DLGAP1: variants seen among roughly 807,000 people sequenced by gnomAD.
DLGAP1 encodes DLG associated protein 1.
In DLGAP1, 11 loss-of-function variants were observed where a neutral mutation model predicts 90.8. That is an observed-to-expected ratio of 0.12 (90% CI 0.08 to 0.20). The LOEUF (loss-of-function observed/expected upper bound fraction) is 0.20. Among genes scored for constraint, DLGAP1 ranks in the 10% least tolerant of loss-of-function variants. The pLI, the probability that DLGAP1 is intolerant of heterozygous loss-of-function variation, is 1.00. For synonymous variants in DLGAP1, 558 were observed against 540.7 expected (o/e 1.03, Z -0.44); for missense variants, 1,050 against 1,333.8 (o/e 0.79, Z 3.31).
chr18:3,521,775 C>T lies in DLGAP1; in HGVS notation c.2479+12419G>A, dbSNP rs186595719. On this transcript the variant is annotated intron_variant, in intron 10 of 12. Coordinates refer to ENST00000315677, the MANE Select transcript of DLGAP1 (RefSeq NM_004746.4). The stretch of plus-strand genomic sequence containing the variant: ...GCCTAGACTGTGCCCATGTAACTAA[C>T]TCCTATTATCTCCACTGAAGGAATA... 2.4e-4 allele frequency among the ~76,000 whole-genome samples: 36 copies of T among 152,318 alleles called. 1 individual carries two copies. The highest frequency in any genetic ancestry group is 2.2e-3 in the Admixed American group (33 of 15,296).
At chr18:3,686,847 T>G (rs766072018) in intron 7 of DLGAP1, among the ~76,000 whole-genome samples, 8 of 152,190 alleles carry the variant, frequency 5.3e-5, no homozygotes, top group Non-Finnish European at 7.4e-5. Context: ...TCCTGGAACC[T>G]ATAAATATTA....
intron 1 of DLGAP1, among the ~76,000 whole-genome samples, chr18:4,392,394 T>C (rs1178453144): frequency 1.3e-5 from 2 of 152,168 alleles, no homozygotes; most frequent in African/African-American, 2.4e-5. Flanking sequence ...AATTTTCCCA[T>C]GAAAGGTTAA....
intron 10 of DLGAP1, among the ~76,000 whole-genome samples, chr18:3,520,415 G>T (rs1194982201): frequency 6.6e-6 from 1 of 152,060 alleles, no homozygotes; most frequent in Non-Finnish European, 1.5e-5. Flanking sequence ...CCTGTTATTC[G>T]CTGAATTGCA....
chr18:4,365,365 T>C (rs578108415), intron 1 of DLGAP1, among the ~76,000 whole-genome samples: 1 of 152,188 alleles, frequency 6.6e-6, no homozygotes, highest in African/African-American at 2.4e-5. Context: ...GCAAATTTAT[T>C]GTGACAGAAA....
intron 1 of DLGAP1, among the ~76,000 whole-genome samples, chr18:4,209,149 T>C (rs1004591804): frequency 1.3e-5 from 2 of 152,134 alleles, no homozygotes; most frequent in African/African-American, 4.8e-5. Flanking sequence ...CTTCTACATC[T>C]ACCAGCAACA....
chr18:3,828,639 C>CAAAAAAAAAA (rs71368713), intron 4 of DLGAP1, among the ~76,000 whole-genome samples: 1 of 21,372 alleles, frequency 4.7e-5, no homozygotes, highest in African/African-American at 1.9e-4. Flanking sequence ...GACTCTATCT[C>CAAAAAAAAAA]AAAAAAAAAA....
intron 4 of DLGAP1, among the ~76,000 whole-genome samples, chr18:3,833,901 T>C (rs1288633943): frequency 6.6e-6 from 1 of 152,180 alleles, no homozygotes; most frequent in Non-Finnish European, 1.5e-5. Flanking sequence ...TGATTAGCAA[T>C]GAAAAACTCA....
intron 1 of DLGAP1, among the ~76,000 whole-genome samples, chr18:4,207,007 A>C (rs999687694): frequency 6.6e-6 from 1 of 152,212 alleles, no homozygotes; most frequent in African/African-American, 2.4e-5. Flanking sequence ...GGTAAGTCTC[A>C]TAAGAAGCTG....
At chr18:3,900,193 T>C (rs1310335348) in intron 3 of DLGAP1, among the ~76,000 whole-genome samples, 1 of 152,110 alleles carries the variant, frequency 6.6e-6, no homozygotes, top group African/African-American at 2.4e-5. Context: ...TATAAAATAA[T>C]TGAACAGGGG....
chr18:3,741,099 A>G (rs1876279280), intron 6 of DLGAP1, among the ~76,000 whole-genome samples: 3 of 116,142 alleles, frequency 2.6e-5, no homozygotes, highest in Non-Finnish European at 5.2e-5. Flanking sequence ...CACCACCACC[A>G]CCATCACCAT....
intron 9 of DLGAP1, among the ~76,000 whole-genome samples, chr18:3,563,533 G>A (rs367590811): frequency 7.3e-5 from 11 of 151,326 alleles, no homozygotes; most frequent in African/African-American, 1.5e-4. Flanking sequence ...GCAGTGGCAC[G>A]ATCTCGGCTC....
chr18:4,394,944 C>A (rs1162759032), intron 1 of DLGAP1, among the ~76,000 whole-genome samples: 2 of 152,138 alleles, frequency 1.3e-5, no homozygotes, highest in African/African-American at 4.8e-5. Flanking sequence ...CTAAATTAAG[C>A]CATTTGGTAC....
At chr18:4,286,812 T>C (rs1210354870) in intron 1 of DLGAP1, among the ~76,000 whole-genome samples, 1 of 151,922 alleles carries the variant, frequency 6.6e-6, no homozygotes, top group African/African-American at 2.4e-5. Context: ...GGGAGGATCT[T>C]AAAAGAAAAA....
chr18:4,240,955 A>T (rs896264699), intron 1 of DLGAP1, among the ~76,000 whole-genome samples: 1 of 152,226 alleles, frequency 6.6e-6, no homozygotes, highest in African/African-American at 2.4e-5. Flanking sequence ...TCATGTCAGC[A>T]TTCATAGGCC....
At chr18:3,672,534 GC>G (rs1392313511) in intron 7 of DLGAP1, among the ~76,000 whole-genome samples, 1 of 123,246 alleles carries the variant, frequency 8.1e-6, no homozygotes, top group African/African-American at 3.0e-5. Flanking sequence ...CCAAGATCTC[GC>G]CATTGCACTC....
chr18:3,772,283 C>G (rs1298523386), intron 5 of DLGAP1, among the ~76,000 whole-genome samples: 1 of 149,698 alleles, frequency 6.7e-6, no homozygotes, highest in African/African-American at 2.5e-5. Context: ...TCCTTTCTCT[C>G]CTTTTCTCCT....
intron 3 of DLGAP1, among the ~76,000 whole-genome samples, chr18:3,948,355 T>C (rs1481299063): frequency 4.6e-5 from 7 of 151,772 alleles, no homozygotes; most frequent in African/African-American, 7.3e-5. Flanking sequence ...AGATGCTGGA[T>C]CCCCCTTCCT....
At position 3,879,751 on chromosome 18, in the gene DLGAP1, C is replaced by A; in HGVS notation, c.318G>T (p.Gln106His). 1.2e-6 allele frequency: 2 copies of A among 1,608,446 alleles called. No homozygotes were observed. Among genetic ancestry groups the A allele is most frequent in the Non-Finnish European group, 1.7e-6 (2 of 1,179,904 alleles). Reference sequence around the variant, plus strand: ...GGCTGAGTGGCAGCTGCCGCTCGAACTGGTCCAGCAGGTTGGCGGGGATGC... The same window carrying A: ...GGCTGAGTGGCAGCTGCCGCTCGAAATGGTCCAGCAGGTTGGCGGGGATGC... The part of the protein sequence containing the change: ...ANRIPANLLD[Q>H]FERQLPLSRD... Residue 106 changes from glutamine to histidine, a missense_variant, in exon 4 of 13, where the codon CAG becomes CAT. Physicochemically the swap from Gln to His is conservative, Grantham distance 24. Around this residue, in one of 2 missense-constraint regions of DLGAP1, gnomAD observed 485 missense variants for 454.1 expected, o/e 1.07. Coordinates refer to ENST00000315677, the MANE Select transcript of DLGAP1 (RefSeq NM_004746.4). The surrounding 1 kb of genome is among the most constrained non-coding windows in gnomAD (Gnocchi z 6.6).
At chr18:4,079,452 T>A (rs991911091) in intron 2 of DLGAP1, among the ~76,000 whole-genome samples, 5 of 151,998 alleles carry the variant, frequency 3.3e-5, no homozygotes, top group Non-Finnish European at 5.9e-5. Context: ...CCAAATACCC[T>A]GTATTCTCAC....
Sources: allele counts gnomAD v4.1 joint callset (sites outside exome capture counted in the v4.1 genomes callset), GRCh38; gene constraint gnomAD v4.1.1; regional missense constraint gnomAD v4.1.1; non-coding constraint Gnocchi (gnomAD v3.1); transcripts MANE v1.5; gene names NCBI Gene and HGNC (gene_info 2026-07-23, HGNC 2026-07-21).